FRMD6: variants seen among roughly 807,000 people sequenced by gnomAD.
FRMD6 encodes the protein FERM domain containing 6, also known as FERM domain-containing protein 6.
Under a neutral mutation model 73.2 loss-of-function variants are expected in FRMD6, and 37 were observed. The observed-to-expected ratio is 0.51, with a 90% CI of 0.39 to 0.66. The LOEUF (loss-of-function observed/expected upper bound fraction) is 0.66, where lower values mean the gene tolerates loss of function less well. Ranked by LOEUF, FRMD6 falls within the 30% of genes least tolerant of loss-of-function variation. FRMD6 has a pLI of 0.00. For missense variants in FRMD6, 714 were observed against 780.5 expected (o/e 0.91, Z 1.02); for synonymous variants, 273 against 282.2 (o/e 0.97, Z 0.33).
intron 12 of FRMD6, among the ~76,000 whole-genome samples, chr14:51,725,251 T>TA (rs1184349519): frequency 5.3e-5 from 8 of 152,168 alleles, no homozygotes; most frequent in African/African-American, 1.9e-4. Context: ...GGAGGCTAAG[T>TA]AACTGGCCAG....
intron 1 of FRMD6, among the ~76,000 whole-genome samples, chr14:51,532,368 CAAAAAAAAA>C: frequency 8.5e-6 from 1 of 117,864 alleles, no homozygotes; most frequent in South Asian, 2.6e-4. Context: ...GACTCCATCT[CAAAAAAAAA>C]AAAAAAAAAA....
At position 51,667,216 on chromosome 14, in the gene FRMD6, G is replaced by C. The variant is rs540538668; in HGVS notation, c.-147+15220G>C. On this transcript the variant is annotated intron_variant, in intron 1 of 13. Transcript: ENST00000344768. Reference sequence around the variant, plus strand: ...TTTATGAAACTATAATTATTTCAAAGGTATTTGTAATGAGGAATTTTCTCA... The same window carrying C: ...TTTATGAAACTATAATTATTTCAAACGTATTTGTAATGAGGAATTTTCTCA... Among the ~76,000 whole-genome samples the C allele has an allele frequency of 2.0e-5, 3 of 152,174 alleles. No homozygotes were observed. The South Asian group carries it at 6.2e-4, about 32-fold the overall frequency.
the FRMD6 span, among the ~76,000 whole-genome samples, chr14:51,477,974 G>A: frequency 1.3e-5 from 2 of 152,186 alleles, no homozygotes; most frequent in South Asian, 4.1e-4. Context: ...CTGCCCTCAG[G>A]TGATCCACCT....
intron 1 of FRMD6, among the ~76,000 whole-genome samples, chr14:51,518,446 T>C (rs7149323): frequency 0.46 from 70,079 of 151,976 alleles, 17,207 homozygotes; most frequent in African/African-American, 0.64. Context: ...ATTTATATTC[T>C]CAGAAGCGCA....
chr14:51,481,862 G>C, the FRMD6 span, among the ~76,000 whole-genome samples: 1 of 152,212 alleles, frequency 6.6e-6, no homozygotes, highest in African/African-American at 2.4e-5. Context: ...ATCAGTAACA[G>C]AGATTAGGGC....
rs951295549 is a variant in FRMD6, at chr14:51,494,880, C to T, written c.-210+5460C>T. On this transcript the variant is annotated intron_variant, in intron 1 of 14. Transcript: ENST00000356218. ...GTTGACTAATTTCCTTGTCAACTAT[C>T]GTTGTCATTTGGCCACACTCTTGAT... 3.9e-5 allele frequency among the ~76,000 whole-genome samples: 6 copies of T among 152,080 alleles called. No homozygotes were observed. The South Asian group carries it at 1.0e-3, about 26-fold the overall frequency.
intron 2 of FRMD6, among the ~76,000 whole-genome samples, chr14:51,610,565 C>T (rs1890451792): frequency 6.6e-6 from 1 of 152,064 alleles, no homozygotes; most frequent in African/African-American, 2.4e-5. Flanking sequence ...AACATTGCTC[C>T]AACTGAGTTT....
chr14:51,728,192 A>G lies in FRMD6; in HGVS notation c.*163A>G. 1.5e-6 allele frequency: 1 copy of G among 669,484 alleles called. No individual in the cohort carries two copies. The highest frequency in any genetic ancestry group is 2.5e-6 in the Non-Finnish European group (1 of 407,024). 41.5% of individuals were successfully genotyped at this position (669,484 alleles called of 1,614,324 possible). ...GAAACAAAAGCCTTGGAACAATTGC[A>G]CTTTAAGTATTACACAGAAGTAAAA... On this transcript the variant is annotated 3_prime_UTR_variant, in exon 14 of 14. Transcript: ENST00000344768.
chr14:51,515,137 C>T (rs979732912), intron 1 of FRMD6, among the ~76,000 whole-genome samples: 4 of 152,184 alleles, frequency 2.6e-5, no homozygotes, highest in African/African-American at 9.7e-5. Context: ...TCTCATTCAG[C>T]CCCTTTCTTA....
intron 1 of FRMD6, among the ~76,000 whole-genome samples, chr14:51,531,951 A>G (rs1178314083): frequency 2.0e-5 from 3 of 152,198 alleles, no homozygotes; most frequent in Non-Finnish European, 2.9e-5. Context: ...TCCATCTATT[A>G]TATCAGTAAA....
At chr14:51,570,058 G>A (rs1221014412) in intron 1 of FRMD6, among the ~76,000 whole-genome samples, 2 of 151,966 alleles carry the variant, frequency 1.3e-5, no homozygotes, top group African/African-American at 4.8e-5. Flanking sequence ...CTCGTGATCT[G>A]CCCACCTTGG....
At chr14:51,686,099 C>T (rs570851072) in intron 1 of FRMD6, among the ~76,000 whole-genome samples, 17 of 152,220 alleles carry the variant, frequency 1.1e-4, no homozygotes, top group Admixed American at 3.9e-4. Flanking sequence ...CCTTTGCCTA[C>T]ATTCAATATG....
chr14:51,687,212 A>T (rs1895226748), intron 1 of FRMD6, among the ~76,000 whole-genome samples: 1 of 152,126 alleles, frequency 6.6e-6, no homozygotes, highest in African/African-American at 2.4e-5. Context: ...TTTATTTTTT[A>T]AATTCTGGAA....
At chr14:51,506,117 G>A (rs891792302) in intron 1 of FRMD6, among the ~76,000 whole-genome samples, 2 of 152,162 alleles carry the variant, frequency 1.3e-5, no homozygotes, top group Admixed American at 6.6e-5. Flanking sequence ...ACAGGCTTTG[G>A]TGACACTGCT....
chr14:51,591,184 C>T lies in FRMD6; in HGVS notation c.-147+20774C>T, dbSNP rs191177139. 2.7e-3 allele frequency among the ~76,000 whole-genome samples: 408 copies of T among 152,294 alleles called. 1 individual carries two copies. Among genetic ancestry groups the T allele is most frequent in the South Asian group, 4.1e-3 (20 of 4,826 alleles). On this transcript the variant is annotated intron_variant, in intron 2 of 14. Coordinates refer to the FRMD6 transcript ENST00000356218. ...TGATCAGGGCCAAGGCCAGTCCATACTGCGTCTTTGTGTAAATTAGGTAAA... is the reference window on the plus strand; with the variant it reads ...TGATCAGGGCCAAGGCCAGTCCATATTGCGTCTTTGTGTAAATTAGGTAAA...
intron 1 of FRMD6, among the ~76,000 whole-genome samples, chr14:51,537,014 A>G (rs937026101): frequency 1.3e-5 from 2 of 152,204 alleles, no homozygotes; most frequent in African/African-American, 2.4e-5. Flanking sequence ...AGACTGATAA[A>G]TCTACACAGA....
At chr14:51,420,363 A>T in the FRMD6 span, among the ~76,000 whole-genome samples, 1 of 152,256 alleles carries the variant, frequency 6.6e-6, no homozygotes, top group Admixed American at 6.5e-5. Flanking sequence ...GAGAGCAGGC[A>T]GCCAGAAAAC....
At chr14:51,700,794 G>T (rs1439291547) in intron 3 of FRMD6, among the ~76,000 whole-genome samples, 1 of 151,826 alleles carries the variant, frequency 6.6e-6, no homozygotes, top group Non-Finnish European at 1.5e-5. Context: ...AGCAGAAGTT[G>T]GAATCTAAGA....
chr14:51,405,413 T>C, the FRMD6 span, among the ~76,000 whole-genome samples: 1 of 152,176 alleles, frequency 6.6e-6, no homozygotes, highest in African/African-American at 2.4e-5. Flanking sequence ...AGTGTTCCCT[T>C]TTCTCCAGCA....
Sources: allele counts gnomAD v4.1 joint callset (sites outside exome capture counted in the v4.1 genomes callset), GRCh38; gene constraint gnomAD v4.1.1; transcripts MANE v1.5; gene names NCBI Gene and HGNC (gene_info 2026-07-23, HGNC 2026-07-21).